Variants in JPH4 observed in about 807,000 individuals in gnomAD.
JPH4 encodes junctophilin 4, also known as junctophilin-4.
A neutral mutation model predicts 57.6 loss-of-function variants in JPH4; 18 were observed. The ratio of observed to expected loss-of-function variants is 0.31; its 90% CI spans 0.22 to 0.46. The LOEUF (loss-of-function observed/expected upper bound fraction) is 0.46, where lower values mean the gene tolerates loss of function less well. JPH4 is among the 20% of genes least tolerant of loss of function. The pLI is 1.00. For missense variants in JPH4, 727 were observed against 911.1 expected (o/e 0.80, Z 2.60); for synonymous variants, 425 against 406.6 (o/e 1.05, Z -0.54).
At chr14:23,574,328 C>T (rs983088617) in intron 3 of JPH4, among the ~76,000 whole-genome samples, 9 of 152,096 alleles carry the variant, frequency 5.9e-5, no homozygotes, top group African/African-American at 2.2e-4. Context: ...GAACCTGCCA[C>T]CACACCGAGC....
In JPH4 at chr14:23,569,322, T is replaced by G; in HGVS notation, c.*312A>C. 1 of 366,454 alleles carries G rather than the reference T, an allele frequency of 2.7e-6. No homozygotes were observed. Among genetic ancestry groups the G allele is most frequent in the East Asian group, 7.0e-5 (1 of 14,314 alleles). 22.7% of individuals were successfully genotyped at this position (366,454 alleles called of 1,614,324 possible). A position where few individuals can be genotyped will look rare whatever the true frequency, so the allele number is the denominator to read the frequency against. On this transcript the variant is annotated 3_prime_UTR_variant, in exon 6 of 6. Coordinates refer to ENST00000356300, the MANE Select transcript of JPH4 (RefSeq NM_001146028.2). The surrounding 1 kb of genome is among the most constrained non-coding windows in gnomAD (Gnocchi z 4.8). Reference sequence around the variant, plus strand: ...GCGTGGAGCAATGGTCTGACTTAGATTTGTGTGTCTCAGAGAAGACAGCAA... The same window carrying G: ...GCGTGGAGCAATGGTCTGACTTAGAGTTGTGTGTCTCAGAGAAGACAGCAA...
intron 3 of JPH4, among the ~76,000 whole-genome samples, chr14:23,574,685 G>A (rs1168226486): frequency 1.3e-5 from 2 of 152,110 alleles, no homozygotes; most frequent in African/African-American, 4.8e-5. Flanking sequence ...AGTTCAAAAG[G>A]AATTTGTAAA....
At position 23,575,577 on chromosome 14, in the gene JPH4, A is replaced by T; in HGVS notation, c.1151+108T>A. The T allele has an allele frequency of 7.1e-7, 1 of 1,401,898 alleles. No homozygotes were observed. Among genetic ancestry groups the T allele is most frequent in the Non-Finnish European group, 9.7e-7 (1 of 1,035,302 alleles). The allele number at this position is 1,401,898 out of a possible 1,614,324, so 86.8% of individuals were successfully genotyped here. ...TGCCTGGCCTTAGGCTTGCAATAGCAGGCCCTAGGCCTTGGGCCTTGGGCC... is the reference window on the plus strand; with the variant it reads ...TGCCTGGCCTTAGGCTTGCAATAGCTGGCCCTAGGCCTTGGGCCTTGGGCC... On this transcript the variant is annotated intron_variant, in intron 3 of 5. Transcript: ENST00000356300. The surrounding 1 kb of genome is among the most constrained non-coding windows in gnomAD (Gnocchi z 6.9).
rs1178017844 is a variant in JPH4 at position 23,577,824 on chromosome 14, A to T, written c.-171-200T>A. 5.8e-6 allele frequency: 1 copy of T among 172,806 alleles called. No individual in the cohort carries two copies. The highest frequency in any genetic ancestry group is 1.2e-5 in the Non-Finnish European group (1 of 82,004). 10.7% of individuals were successfully genotyped at this position (172,806 alleles called of 1,614,324 possible). A position where few individuals can be genotyped will look rare whatever the true frequency, so the allele number is the denominator to read the frequency against. ...TGTCTTTGTGGAGCGGGCCCCTCCC[A>T]GGACTTGGGGCCCCAACCCCAAGCG... On this transcript the variant is annotated intron_variant, in intron 1 of 5. Coordinates refer to ENST00000356300, the MANE Select transcript of JPH4 (RefSeq NM_001146028.2). This position sits in a 1 kb window ranked among gnomAD's most constrained non-coding sequence, Gnocchi z 8.4.
In JPH4 at chr14:23,569,753, G is replaced by A. The variant is rs74587188; in HGVS notation, c.1804-36C>T. 1,105 of 1,428,690 alleles carry A rather than the reference G, an allele frequency of 7.7e-4. 12 individuals carry two copies. The East Asian group carries it at 0.017, about 22-fold the overall frequency. 88.5% of individuals were successfully genotyped at this position (1,428,690 alleles called of 1,614,324 possible). ...AGAGGGGGAAGCAGACTCAGTCCCC[G>A]AGGACAGGGCCCACCTTCCTGCCCT... On this transcript the variant is annotated intron_variant, in intron 5 of 5. Transcript: ENST00000356300. This position sits in a 1 kb window ranked among gnomAD's most constrained non-coding sequence, Gnocchi z 4.8.
Position 23,577,316 on chromosome 14 carries a change from G to C in JPH4, c.138C>G (p.Gly46=), listed in dbSNP as rs1285577607. ...CCGTGAAGACGCCCAGTGACTCGAAGCCGTGTGCCCAGCAGCCGCTGTACT... is the reference window on the plus strand; with the variant it reads ...CCGTGAAGACGCCCAGTGACTCGAACCCGTGTGCCCAGCAGCCGCTGTACT... ...QGEYSGCWAH[G]FESLGVFTGP... is the part of the protein sequence containing the mutation. The change falls in exon 2 of 6, where the codon GGC becomes GGG. Residue 46 remains glycine (G), a synonymous_variant. Transcript: ENST00000356300. The surrounding 1 kb of genome is among the most constrained non-coding windows in gnomAD (Gnocchi z 8.4). The C allele has an allele frequency of 2.5e-5, 38 of 1,537,376 alleles. No individual in the cohort carries two copies. Among genetic ancestry groups the C allele is most frequent in the Non-Finnish European group, 3.3e-5 (38 of 1,145,298 alleles).
Position 23,569,817 on chromosome 14 carries a change from C to T in JPH4, c.1804-100G>A. 1 of 709,066 alleles carries T rather than the reference C, an allele frequency of 1.4e-6. No homozygotes were observed. Among genetic ancestry groups the T allele is most frequent in the Non-Finnish European group, 2.4e-6 (1 of 421,078 alleles). The allele number at this position is 709,066 out of a possible 1,614,324, so 43.9% of individuals were successfully genotyped here. A position where few individuals can be genotyped will look rare whatever the true frequency, so the allele number is the denominator to read the frequency against. On this transcript the variant is annotated intron_variant, in intron 5 of 5. Coordinates refer to ENST00000356300, the MANE Select transcript of JPH4 (RefSeq NM_001146028.2). This position sits in a 1 kb window ranked among gnomAD's most constrained non-coding sequence, Gnocchi z 4.8. ...GAGCTGAAGGGTCTCAGGCACCTCC[C>T]TGCACAGCCTGGAGCAGGGGGATCG...
chr14:23,574,165 G>T (rs1411123962), intron 3 of JPH4, among the ~76,000 whole-genome samples: 29 of 151,144 alleles, frequency 1.9e-4, no homozygotes, highest in Non-Finnish European at 8.8e-5. Flanking sequence ...TGGATTTTTG[G>T]CTTCTTTTAG....
chr14:23,573,675 C>G (rs1244039383), intron 3 of JPH4, among the ~76,000 whole-genome samples: 2 of 152,160 alleles, frequency 1.3e-5, no homozygotes, highest in Admixed American at 1.3e-4. Context: ...GGCAGCCAGT[C>G]GGGATTGCCA....
intron 5 of JPH4, among the ~76,000 whole-genome samples, chr14:23,570,691 G>C (rs1387233715): frequency 1.3e-5 from 2 of 152,212 alleles, no homozygotes; most frequent in African/African-American, 4.8e-5. Context: ...GTTACTTTAA[G>C]TGCTCTGGGC....
Position 23,571,675 on chromosome 14 carries a change from C to T in JPH4, c.1270+127G>A. 3.8e-6 allele frequency: 4 copies of T among 1,059,264 alleles called. No homozygotes were observed. Among genetic ancestry groups the T allele is most frequent in the Middle Eastern group, 3.0e-4 (1 of 3,378 alleles). 65.6% of individuals were successfully genotyped at this position (1,059,264 alleles called of 1,614,324 possible). ...TCTGGCCCCCACCCTGTGTTCCTTG[C>T]ACCCTCATTCCTTGTTTTTTCCCAT... On this transcript the variant is annotated intron_variant, in intron 4 of 5. Transcript: ENST00000356300. This position sits in a 1 kb window ranked among gnomAD's most constrained non-coding sequence, Gnocchi z 4.6.
At chr14:23,570,499 G>A (rs912303734) in intron 5 of JPH4, among the ~76,000 whole-genome samples, 3 of 151,192 alleles carry the variant, frequency 2.0e-5, no homozygotes, top group Non-Finnish European at 2.9e-5. Flanking sequence ...AGCCTCCCAA[G>A]TAGCTGGGAC....
chr14:23,575,723 C>A lies in JPH4; in HGVS notation c.1113G>T (p.Val371=). The part of the protein sequence containing the change: ...DRAVEGARRA[V]SAARQRQEIA... The stretch of plus-strand genomic sequence containing the variant: ...TCTCCTGGCGCTGACGGGCAGCACT[C>A]ACGGCTCGACGGGCGCCCTCGACAG... Residue 371 remains valine, a synonymous_variant, in exon 3 of 6, where the codon GTG becomes GTT. Transcript: ENST00000356300. This position sits in a 1 kb window ranked among gnomAD's most constrained non-coding sequence, Gnocchi z 6.9. The A allele has an allele frequency of 6.3e-7, 1 of 1,599,810 alleles. No homozygotes were observed. The highest frequency in any genetic ancestry group is 8.5e-7 in the Non-Finnish European group (1 of 1,175,174).
Position 23,568,086 on chromosome 14 carries a change from A to G in JPH4, c.*1548T>C, listed in dbSNP as rs1168430524. 1 of 983,516 alleles carries G rather than the reference A, an allele frequency of 1.0e-6. No individual in the cohort carries two copies. The highest frequency in any genetic ancestry group is 1.1e-4 in the East Asian group (1 of 8,786). 60.9% of individuals were successfully genotyped at this position (983,516 alleles called of 1,614,324 possible). A position where few individuals can be genotyped will look rare whatever the true frequency, so the allele number is the denominator to read the frequency against. On this transcript the variant is annotated 3_prime_UTR_variant, in exon 6 of 6. Transcript: ENST00000356300. The stretch of plus-strand genomic sequence containing the variant: ...TATTTTTTTTGTTAAATTTCTTTGT[A>G]TTTTTTTCCTGCAAGACTTGGTGTT...
chr14:23,568,229 G>GA lies in JPH4; in HGVS notation c.*1404dup, dbSNP rs1888867260. The GA allele has an allele frequency of 1.0e-6, 1 of 985,742 alleles. No individual in the cohort carries two copies. Among genetic ancestry groups the GA allele is most frequent in the Non-Finnish European group, 1.2e-6 (1 of 829,884 alleles). 61.1% of individuals were successfully genotyped at this position (985,742 alleles called of 1,614,324 possible). A position where few individuals can be genotyped will look rare whatever the true frequency, so the allele number is the denominator to read the frequency against. ...CAAGGAATAAACAAGAGTTTGACTAGAAAAAAAGAAGAGGGTATGTGTGGT... is the reference window on the plus strand; with the variant it reads ...CAAGGAATAAACAAGAGTTTGACTAGAAAAAAAAGAAGAGGGTATGTGTGGT... On this transcript the variant is annotated 3_prime_UTR_variant, in exon 6 of 6. Coordinates refer to ENST00000356300, the MANE Select transcript of JPH4 (RefSeq NM_001146028.2).
At chr14:23,573,140 G>A in intron 3 of JPH4, 1 of 601,222 alleles carries the variant, frequency 1.7e-6, no homozygotes, top group Non-Finnish European at 3.0e-6. Flanking sequence ...TGGGGGTGGG[G>A]AAGAGGATGG....
Position 23,571,914 on chromosome 14 carries a change from T to C in JPH4, c.1158A>G (p.Ala386=). ...QRQEIAAARA[A]DALLKAVAAS... Reference sequence around the variant, plus strand: ...CTGCCACTGCCTTTAGGAGGGCGTCTGCTGCCCTGTCGGGTCCAGAGACAG... The same window carrying C: ...CTGCCACTGCCTTTAGGAGGGCGTCCGCTGCCCTGTCGGGTCCAGAGACAG... The change falls in exon 4 of 6, where the codon GCA becomes GCG. Residue 386 remains alanine, a synonymous_variant. Coordinates refer to ENST00000356300, the MANE Select transcript of JPH4 (RefSeq NM_001146028.2). The surrounding 1 kb of genome is among the most constrained non-coding windows in gnomAD (Gnocchi z 4.6). The C allele has an allele frequency of 1.9e-6, 3 of 1,611,674 alleles. No homozygotes were observed. The highest frequency in any genetic ancestry group is 2.5e-6 in the Non-Finnish European group (3 of 1,179,828).
Position 23,571,695 on chromosome 14 carries a change from TC to T in JPH4, c.1270+106del. 8.5e-7 allele frequency: 1 copy of T among 1,173,574 alleles called. No homozygotes were observed. The highest frequency in any genetic ancestry group is 1.2e-6 in the Non-Finnish European group (1 of 815,662). 72.7% of individuals were successfully genotyped at this position (1,173,574 alleles called of 1,614,324 possible). On this transcript the variant is annotated intron_variant, in intron 4 of 5. Coordinates refer to ENST00000356300, the MANE Select transcript of JPH4 (RefSeq NM_001146028.2). The surrounding 1 kb of genome is among the most constrained non-coding windows in gnomAD (Gnocchi z 4.6). ...CCTTGCACCCTCATTCCTTGTTTTT[TC>T]CCATCCCCACTTCCCTTGCAGGGCT...
chr14:23,576,788 C>G lies in JPH4; in HGVS notation c.379+287G>C, dbSNP rs1027982588. On this transcript the variant is annotated intron_variant, in intron 2 of 5. Transcript: ENST00000356300. This position sits in a 1 kb window ranked among gnomAD's most constrained non-coding sequence, Gnocchi z 8.0. ...GCAAACAGTACTCTGAGGGGCACGC[C>G]GACCCGACGGAGAGCAGAGGTGTTG... 6.6e-6 allele frequency among the ~76,000 whole-genome samples: 1 copy of G among 152,020 alleles called. No individual in the cohort carries two copies. Among genetic ancestry groups the G allele is most frequent in the African/African-American group, 2.4e-5 (1 of 41,384 alleles).
Sources: allele counts gnomAD v4.1 joint callset (sites outside exome capture counted in the v4.1 genomes callset), GRCh38; gene constraint gnomAD v4.1.1; non-coding constraint Gnocchi (gnomAD v3.1); transcripts MANE v1.5; gene names NCBI Gene and HGNC (gene_info 2026-07-23, HGNC 2026-07-21).